Variants in MYOF observed in about 807,000 individuals in gnomAD.
MYOF encodes myoferlin, also known as fer-1-like 3, myoferlin.
A neutral mutation model predicts 284.2 loss-of-function variants in MYOF; 244 were observed. The ratio of observed to expected loss-of-function variants is 0.86; its 90% CI spans 0.77 to 0.95. MYOF has a LOEUF of 0.95. Ranked by LOEUF, MYOF falls within the 40% of genes least tolerant of loss-of-function variation. The probability of loss-of-function intolerance (pLI) is 0.00; values close to 1 mark genes in which losing one functional copy is unlikely to be tolerated. For synonymous variants in MYOF, 904 were observed against 919.7 expected (o/e 0.98, Z 0.31); for missense variants, 2,496 against 2,560.6 (o/e 0.97, Z 0.54).
intron 45 of MYOF, among the ~76,000 whole-genome samples, chr10:93,328,204 G>A (rs758818526): frequency 1.2e-4 from 18 of 152,036 alleles, no homozygotes; most frequent in Non-Finnish European, 2.2e-4. Context: ...ACCCTCCCCC[G>A]TGCAAAATAT....
At chr10:93,406,252 C>A (rs1589518173) in intron 7 of MYOF, among the ~76,000 whole-genome samples, 1 of 123,616 alleles carries the variant, frequency 8.1e-6, no homozygotes, top group Non-Finnish European at 1.7e-5. Flanking sequence ...AGCCACCACG[C>A]CTGGCCAGGC....
At chr10:93,415,668 C>A (rs181164972) in intron 5 of MYOF, among the ~76,000 whole-genome samples, 1 of 152,304 alleles carries the variant, frequency 6.6e-6, no homozygotes, top group East Asian at 1.9e-4. Context: ...GTTGCCTTCT[C>A]TCCTGCTACA....
At chr10:93,469,392 C>T (rs1003660023) in intron 1 of MYOF, among the ~76,000 whole-genome samples, 2 of 138,584 alleles carry the variant, frequency 1.4e-5, no homozygotes, top group Non-Finnish European at 3.1e-5. Flanking sequence ...CAGAGCTAGA[C>T]TGCATCTCTG....
chr10:93,353,703 G>A, intron 32 of MYOF, 108 bp downstream of exon 32: 1 of 890,588 alleles, frequency 1.1e-6, no homozygotes, highest in Admixed American at 2.5e-5. Context: ...ACCTCAACAT[G>A]TAAAGGGTTT....
intron 40 of MYOF, 159 bp downstream of exon 40, chr10:93,337,656 G>A (rs757690490): frequency 1.7e-5 from 10 of 592,166 alleles, no homozygotes; most frequent in African/African-American, 1.5e-4. Context: ...TGGCAAAGCC[G>A]AAACTCATGC....
rs1044315922 is a variant in MYOF, at chr10:93,320,146, C to T, written c.5457-133G>A. ...TTCTTGGGCAGATTCCAGTTATCTT[C>T]GGAGCTGGGGGTGATTTATGGAGGG... On this transcript the variant is annotated intron_variant, in intron 48 of 53. Coordinates refer to ENST00000359263, the MANE Select transcript of MYOF (RefSeq NM_013451.4). The T allele has an allele frequency of 9.4e-5, 100 of 1,068,616 alleles. 1 individual carries two copies. Among genetic ancestry groups the T allele is most frequent in the African/African-American group, 9.3e-4 (59 of 63,306 alleles). 66.2% of individuals were successfully genotyped at this position (1,068,616 alleles called of 1,614,324 possible). A position where few individuals can be genotyped will look rare whatever the true frequency, so the allele number is the denominator to read the frequency against.
At chr10:93,386,549 G>A (rs11187406) in intron 19 of MYOF, among the ~76,000 whole-genome samples, 42,108 of 152,114 alleles carry the variant, frequency 0.28, 7,014 homozygotes, top group East Asian at 0.86. Flanking sequence ...GAGGCTGGGG[G>A]GTGGAGAGAG....
chr10:93,380,305 T>C (rs1418635924), intron 20 of MYOF, among the ~76,000 whole-genome samples: 1 of 152,188 alleles, frequency 6.6e-6, no homozygotes, highest in Non-Finnish European at 1.5e-5. Flanking sequence ...ACAGATGACA[T>C]AGGAAGCTAG....
chr10:93,434,060 A>G (rs897800090), intron 3 of MYOF, among the ~76,000 whole-genome samples: 2 of 152,190 alleles, frequency 1.3e-5, no homozygotes, highest in Non-Finnish European at 2.9e-5. Flanking sequence ...GGAAAAGTGC[A>G]CTTTCTTGTA....
At chr10:93,466,860 A>G (rs967001658) in intron 1 of MYOF, among the ~76,000 whole-genome samples, 4 of 152,060 alleles carry the variant, frequency 2.6e-5, no homozygotes, top group African/African-American at 9.7e-5. Flanking sequence ...TGTGGTCCCA[A>G]TTACTCACTT....
chr10:93,338,779 T>C (rs1477950685), intron 39 of MYOF, among the ~76,000 whole-genome samples: 1 of 152,040 alleles, frequency 6.6e-6, no homozygotes, highest in Non-Finnish European at 1.5e-5. Flanking sequence ...GGGTAGTCCT[T>C]GGTTGGGCAG....
chr10:93,409,015 T>C, intron 6 of MYOF, 100 bp from the exon 7 acceptor site: 1 of 1,548,596 alleles, frequency 6.5e-7, no homozygotes, highest in South Asian at 1.2e-5. Flanking sequence ...TTAGGATTGC[T>C]AACACCAGGC....
chr10:93,372,604 A>C (rs1174975559), intron 24 of MYOF, among the ~76,000 whole-genome samples: 4 of 152,198 alleles, frequency 2.6e-5, no homozygotes, highest in Admixed American at 6.5e-5. Context: ...TTTCCCCAAC[A>C]TTCACTAGAA....
chr10:93,428,566 A>AACACACACACACACACAC (rs58503520), intron 4 of MYOF, among the ~76,000 whole-genome samples: 1 of 143,826 alleles, frequency 7.0e-6, no homozygotes, highest in East Asian at 2.2e-4. Flanking sequence ...ACATCTGGTA[A>AACACACACACACACACAC]ACACACACAC....
chr10:93,482,235 G>A lies in MYOF; in HGVS notation c.-41C>T. The A allele has an allele frequency of 1.3e-6, 2 of 1,559,916 alleles. No individual in the cohort carries two copies. Among genetic ancestry groups the A allele is most frequent in the Non-Finnish European group, 1.8e-6 (2 of 1,135,322 alleles). ...GAAAGCAAGTTTCAGCAAACGAAGTGGAGACTAGGGCGCTGGAGCTCCGGG... is the reference window on the plus strand; with the variant it reads ...GAAAGCAAGTTTCAGCAAACGAAGTAGAGACTAGGGCGCTGGAGCTCCGGG... On this transcript the variant is annotated 5_prime_UTR_variant, in exon 1 of 54. Transcript: ENST00000359263.
At chr10:93,474,266 A>T (rs532240047) in intron 1 of MYOF, among the ~76,000 whole-genome samples, 1 of 152,168 alleles carries the variant, frequency 6.6e-6, no homozygotes, top group East Asian at 1.9e-4. Context: ...TGCTGTTCAC[A>T]TTGCGGCCTA....
At chr10:93,366,287 G>T in intron 26 of MYOF, 105 bp downstream of exon 26, 1 of 1,219,794 alleles carries the variant, frequency 8.2e-7, no homozygotes, top group Non-Finnish European at 1.2e-6. Context: ...CTCAGTGGGT[G>T]TTACATAACT....
chr10:93,464,797 A>G (rs2056965451), intron 1 of MYOF, among the ~76,000 whole-genome samples: 1 of 152,194 alleles, frequency 6.6e-6, no homozygotes, highest in African/African-American at 2.4e-5. Flanking sequence ...AAAGCTCCCT[A>G]AGTAACTCAG....
intron 37 of MYOF, 24 bp from the exon 38 acceptor site, chr10:93,343,956 T>A (rs1487158443): frequency 1.2e-6 from 2 of 1,613,304 alleles, no homozygotes; most frequent in Non-Finnish European, 1.7e-6. Context: ...ACTTTCTTAA[T>A]CTAAGATACT....
Sources: gnomAD v4.1 joint callset for allele counts (sites outside exome capture counted in the v4.1 genomes callset) on GRCh38, gnomAD v4.1.1 for gene constraint, MANE v1.5 for transcripts, NCBI Gene and HGNC (gene_info 2026-07-23, HGNC 2026-07-21) for gene names.